The following COL10A1 variants were observed in gnomAD, a reference collection of about 807,000 sequenced individuals.
COL10A1 encodes the protein collagen type X alpha 1 chain.
COL10A1 carries 10 observed loss-of-function variants against 18.2 expected under a neutral mutation model. That is an observed-to-expected ratio of 0.55 (90% confidence interval 0.34 to 0.93). The LOEUF (loss-of-function observed/expected upper bound fraction) is 0.93. Among genes scored for constraint, COL10A1 ranks in the 40% least tolerant of loss-of-function variants. The pLI is 0.02. For synonymous variants in COL10A1, 330 were observed against 316.6 expected (o/e 1.04, Z -0.45); for missense variants, 897 against 853.5 (o/e 1.05, Z -0.64).
At chr6:116,216,612 C>G in the COL10A1 span, among the ~76,000 whole-genome samples, 1 of 151,806 alleles carries the variant, frequency 6.6e-6, no homozygotes, top group Non-Finnish European at 1.5e-5. Context: ...TAGATTTTCA[C>G]TTTACACAAT....
the COL10A1 span, among the ~76,000 whole-genome samples, chr6:116,174,193 T>C: frequency 3.9e-5 from 6 of 152,200 alleles, no homozygotes; most frequent in Non-Finnish European, 5.9e-5. Flanking sequence ...TTGCCATGTT[T>C]CTCTACTGTA....
At chr6:116,174,979 T>C in the COL10A1 span, among the ~76,000 whole-genome samples, 1 of 152,200 alleles carries the variant, frequency 6.6e-6, no homozygotes, top group Non-Finnish European at 1.5e-5. Context: ...GGTTATTGAA[T>C]GACCATAATA....
At chr6:116,152,217 A>G (rs1034219067) in intron 1 of COL10A1, among the ~76,000 whole-genome samples, 1 of 152,194 alleles carries the variant, frequency 6.6e-6, no homozygotes, top group Non-Finnish European at 1.5e-5. Context: ...AAATGAGAAT[A>G]TATGATTAGA....
At chr6:116,142,422 T>G (rs773723903) in intron 1 of COL10A1, among the ~76,000 whole-genome samples, 11 of 152,182 alleles carry the variant, frequency 7.2e-5, no homozygotes, top group African/African-American at 2.7e-4. Context: ...TTTAATTATT[T>G]TATATATCAT....
chr6:116,129,676 C>G (rs1405035529), upstream of COL10A1, among the ~76,000 whole-genome samples: 1 of 152,192 alleles, frequency 6.6e-6, no homozygotes, highest in African/African-American at 2.4e-5. Context: ...GAATAAAGCT[C>G]TGTTCATCAT....
chr6:116,170,749 A>G, the COL10A1 span, among the ~76,000 whole-genome samples: 31 of 152,186 alleles, frequency 2.0e-4, no homozygotes, highest in Admixed American at 9.8e-4. Context: ...TGCTGGTACT[A>G]GGAAATACCT....
chr6:116,198,259 A>G, the COL10A1 span, among the ~76,000 whole-genome samples: 1 of 152,056 alleles, frequency 6.6e-6, no homozygotes, highest in Admixed American at 6.6e-5. Flanking sequence ...AAGCCACGTA[A>G]CTATTCCACA....
the COL10A1 span, among the ~76,000 whole-genome samples, chr6:116,207,749 C>T: frequency 2.4e-4 from 36 of 152,028 alleles, no homozygotes; most frequent in East Asian, 3.3e-3. Flanking sequence ...GTGAACCCCT[C>T]GTGCCCAGGT....
At chr6:116,158,562 G>C (rs955142260) in intron 1 of COL10A1, 1 of 152,042 alleles carries the variant, frequency 6.6e-6, no homozygotes, top group Admixed American at 6.5e-5. Flanking sequence ...TTTTCATCTA[G>C]TCACATTATT....
the COL10A1 span, among the ~76,000 whole-genome samples, chr6:116,199,822 G>A: frequency 0.43 from 64,560 of 151,852 alleles, 17,648 homozygotes; most frequent in African/African-American, 0.78. Context: ...AATGAGTCTG[G>A]TATAAATAAG....
chr6:116,167,743 A>G, the COL10A1 span, among the ~76,000 whole-genome samples: 92,597 of 152,008 alleles, frequency 0.61, 30,262 homozygotes, highest in African/African-American at 0.86. Context: ...AATGCCCATG[A>G]CCGTTGTTGG....
At chr6:116,142,803 G>C (rs1446662156) in intron 1 of COL10A1, among the ~76,000 whole-genome samples, 3 of 152,152 alleles carry the variant, frequency 2.0e-5, no homozygotes, top group African/African-American at 7.2e-5. Flanking sequence ...GAAGATGTAA[G>C]GTTCTGTATT....
the COL10A1 span, among the ~76,000 whole-genome samples, chr6:116,208,298 G>A: frequency 2.2e-3 from 333 of 152,094 alleles, 1 homozygote; most frequent in African/African-American, 7.8e-3. Context: ...TCTGAAGGAG[G>A]TGGAAGATTT....
At chr6:116,163,549 G>A (rs1257681169), upstream of COL10A1, among the ~76,000 whole-genome samples, 1 of 151,374 alleles carries the variant, frequency 6.6e-6, no homozygotes, top group Non-Finnish European at 1.5e-5. Context: ...ATCAATTTTT[G>A]TTTATCTTCT....
intron 1 of COL10A1, among the ~76,000 whole-genome samples, chr6:116,151,901 G>A (rs1780051033): frequency 6.6e-6 from 1 of 152,156 alleles, no homozygotes; most frequent in Non-Finnish European, 1.5e-5. Context: ...AAACACTGAT[G>A]CATTTATTTT....
At chr6:116,157,681 T>A (rs1193219084) in intron 1 of COL10A1, among the ~76,000 whole-genome samples, 3 of 152,160 alleles carry the variant, frequency 2.0e-5, no homozygotes, top group African/African-American at 7.2e-5. Flanking sequence ...GCTCATTTTT[T>A]AACAAAACAG....
At chr6:116,130,803 T>C (rs867523771), upstream of COL10A1, among the ~76,000 whole-genome samples, 9 of 152,262 alleles carry the variant, frequency 5.9e-5, no homozygotes, top group South Asian at 2.1e-4. Context: ...GCCAGTAATA[T>C]AGTTATTCAT....
rs1779064993 is a variant in COL10A1, at chr6:116,120,136, A to G, written c.1980T>C (p.Asn660=). 2 of 1,614,142 alleles carry G rather than the reference A, an allele frequency of 1.2e-6. No individual in the cohort carries two copies. Among genetic ancestry groups the G allele is most frequent in the Non-Finnish European group, 1.7e-6 (2 of 1,180,020 alleles). Residue 660 remains asparagine, a synonymous_variant, in exon 3 of 3, where the codon AAT becomes AAC. Coordinates refer to ENST00000651968, the MANE Select transcript of COL10A1 (RefSeq NM_000493.4). ...GGACATACTCAGAGGAGTATAGGCC[A>G]TTTGACTCGGCATTGGGAAGCTGGA... ...VWLQLPNAES[N]GLYSSEYVHS... is the part of the protein sequence containing the mutation.
upstream of COL10A1, among the ~76,000 whole-genome samples, chr6:116,162,157 T>G (rs1582844643): frequency 6.6e-6 from 1 of 152,156 alleles, no homozygotes; most frequent in Non-Finnish European, 1.5e-5. Context: ...AGTTATTGAT[T>G]AGGTCCAGGA....
Sources: gnomAD v4.1 joint callset for allele counts (sites outside exome capture counted in the v4.1 genomes callset) on GRCh38, gnomAD v4.1.1 for gene constraint, MANE v1.5 for transcripts, NCBI Gene and HGNC (gene_info 2026-07-23, HGNC 2026-07-21) for gene names.